The following RNF150 variants were observed in gnomAD, a reference collection of about 807,000 sequenced individuals.
RNF150 encodes the protein ring finger protein 150.
RNF150 carries 24 observed loss-of-function variants against 39.3 expected under a neutral mutation model. The observed-to-expected ratio is 0.61, with a 90% confidence interval of 0.44 to 0.86. The LOEUF is 0.86. Among genes scored for constraint, RNF150 ranks in the 40% least tolerant of loss-of-function variants. The pLI is 0.00. For missense variants in RNF150, 502 were observed against 587.8 expected, an observed-to-expected ratio of 0.85 and a Z score of 1.51; for synonymous variants, 255 against 227.3, an observed-to-expected ratio of 1.12 and a Z score of -1.10.
intron 1 of RNF150, among the ~76,000 whole-genome samples, chr4:141,036,010 G>A (rs1736128862): frequency 6.6e-6 from 1 of 152,106 alleles, no homozygotes; most frequent in South Asian, 2.1e-4. Context: ...AGTTTAGAAA[G>A]AAAGAAGGAT....
At chr4:140,905,910 A>G (rs1730354911) in intron 6 of RNF150, among the ~76,000 whole-genome samples, 1 of 152,068 alleles carries the variant, frequency 6.6e-6, no homozygotes, top group African/African-American at 2.4e-5. Flanking sequence ...GTCCTACCCA[A>G]AAGGGGTTCC....
rs1275582779 is a variant in RNF150, at chr4:140,967,878, G to T, written c.485-5C>A. On this transcript the variant is annotated splice_polypyrimidine_tract_variant and splice_region_variant and intron_variant, in intron 1 of 6. Coordinates refer to ENST00000515673, the MANE Select transcript of RNF150 (RefSeq NM_020724.2). ...TGGCCACGATGTCTTCTACACCTGT[G>T]GTAAGAGGGGAAGGAAGGGGCAATA... 1 of 1,611,990 alleles carries T rather than the reference G, an allele frequency of 6.2e-7. No individual in the cohort carries two copies. Among genetic ancestry groups the T allele is most frequent in the South Asian group, 1.1e-5 (1 of 90,998 alleles).
At chr4:140,881,122 T>C (rs1239386491) in intron 6 of RNF150, among the ~76,000 whole-genome samples, 1 of 152,112 alleles carries the variant, frequency 6.6e-6, no homozygotes, top group African/African-American at 2.4e-5. Flanking sequence ...TTGAGATCTT[T>C]CTTTTTTAAT....
intron 1 of RNF150, among the ~76,000 whole-genome samples, chr4:141,002,293 T>C (rs1348377299): frequency 6.6e-6 from 1 of 152,122 alleles, no homozygotes; most frequent in Non-Finnish European, 1.5e-5. Context: ...GTCTTTATTG[T>C]ACTTGATTAA....
At chr4:140,999,385 T>C (rs1216227571) in intron 1 of RNF150, among the ~76,000 whole-genome samples, 4 of 152,238 alleles carry the variant, frequency 2.6e-5, no homozygotes, top group Non-Finnish European at 5.9e-5. Flanking sequence ...AACAGCCATA[T>C]GTAGAAGCCT....
At chr4:140,941,920 T>A (rs1436515337) in intron 4 of RNF150, among the ~76,000 whole-genome samples, 1 of 152,212 alleles carries the variant, frequency 6.6e-6, no homozygotes, top group African/African-American at 2.4e-5. Context: ...TCTAAGTTCC[T>A]TCATTGACAT....
intron 4 of RNF150, among the ~76,000 whole-genome samples, chr4:140,931,392 T>C (rs1731630779): frequency 2.0e-5 from 3 of 152,206 alleles, no homozygotes; most frequent in Admixed American, 1.3e-4. Context: ...TGGTAGCATA[T>C]TGATCATCAA....
At chr4:140,957,317 C>G (rs35884139) in intron 2 of RNF150, among the ~76,000 whole-genome samples, 21,712 of 149,180 alleles carry the variant, frequency 0.15, 1,562 homozygotes, top group South Asian at 0.19. Context: ...CCATCACTGG[C>G]CATCAGAGAA....
upstream of RNF150, among the ~76,000 whole-genome samples, chr4:141,137,390 C>T (rs1299924616): frequency 6.6e-6 from 1 of 152,114 alleles, no homozygotes; most frequent in African/African-American, 2.4e-5. Flanking sequence ...AGGAAGGTGG[C>T]AATGAGCATG....
At chr4:141,037,189 A>C (rs912721231) in intron 1 of RNF150, among the ~76,000 whole-genome samples, 3 of 152,190 alleles carry the variant, frequency 2.0e-5, no homozygotes, top group African/African-American at 7.2e-5. Flanking sequence ...ATATTCACCT[A>C]AGGTTCTCGG....
rs529188341 is a variant in RNF150, at chr4:140,946,349, A to G, written c.890+1305T>C. ...TTTGGGATTATTAAGCCATTCCTCT[A>G]AAGTAATTTTTGTTTCTTTTGTAGT... On this transcript the variant is annotated intron_variant, in intron 4 of 6. Transcript: ENST00000515673. Among the ~76,000 whole-genome samples, 14 of 152,294 alleles carry G rather than the reference A, an allele frequency of 9.2e-5. No individual in the cohort carries two copies. The South Asian group carries it at 2.9e-3, about 32-fold the overall frequency.
At position 140,917,737 on chromosome 4, in the gene RNF150, AT is replaced by A. The variant is rs1207078103; in HGVS notation, c.988-6384del. ...TCCACCCCAAATCAACAGAATATACATTTTTTTTCAGCACCACACCACACCT... is the reference window on the plus strand; with the variant it reads ...TCCACCCCAAATCAACAGAATATACATTTTTTTCAGCACCACACCACACCT... On this transcript the variant is annotated intron_variant, in intron 5 of 6. Transcript: ENST00000515673. 2.4e-4 allele frequency among the ~76,000 whole-genome samples: 36 copies of A among 151,620 alleles called. No homozygotes were observed. In the East Asian group the frequency reaches 3.1e-3, roughly 13 times the overall value.
rs374509935 is a variant in RNF150, at chr4:140,999,985, A to AGCAG, written c.485-32113_485-32112insCTGC. 5.1e-5 allele frequency among the ~76,000 whole-genome samples: 2 copies of AGCAG among 38,952 alleles called. 1 individual carries two copies. Among genetic ancestry groups the AGCAG allele is most frequent in the Non-Finnish European group, 1.1e-4 (2 of 17,564 alleles). The allele number at this position is 38,952 out of a possible 152,430, so 25.6% of individuals were successfully genotyped here. ...GAAGAAGAAGAAGAAGAAAAGAAGA[A>AGCAG]AAGAAGAAAAGAAGAAGAAGAAGAA... On this transcript the variant is annotated intron_variant, in intron 1 of 6. Transcript: ENST00000515673.
chr4:141,030,653 T>C (rs1272153702), intron 1 of RNF150, among the ~76,000 whole-genome samples: 6 of 152,208 alleles, frequency 3.9e-5, no homozygotes, highest in East Asian at 3.8e-4. Context: ...TAACACATGA[T>C]TGTCAAGTGT....
chr4:141,134,604 C>G (rs918429237), upstream of RNF150, among the ~76,000 whole-genome samples: 1 of 152,188 alleles, frequency 6.6e-6, no homozygotes, highest in South Asian at 2.1e-4. Flanking sequence ...GGGCAAAGAG[C>G]CTCAGCTGTA....
chr4:140,955,817 T>G (rs183366390), intron 2 of RNF150, among the ~76,000 whole-genome samples: 102 of 152,372 alleles, frequency 6.7e-4, no homozygotes, highest in Middle Eastern at 6.8e-3. Context: ...GTGAAGTTCA[T>G]GTTTATTTTA....
chr4:141,112,645 C>G (rs1002972780), intron 1 of RNF150, among the ~76,000 whole-genome samples: 4 of 152,142 alleles, frequency 2.6e-5, no homozygotes, highest in African/African-American at 7.2e-5. Flanking sequence ...TTCTCTCTGG[C>G]TGCCCTTAAC....
chr4:141,012,321 A>G (rs956881110), intron 1 of RNF150, among the ~76,000 whole-genome samples: 2 of 152,220 alleles, frequency 1.3e-5, no homozygotes, highest in African/African-American at 4.8e-5. Flanking sequence ...CTGGCTGTGA[A>G]GTTGCAAGAA....
rs541940750 is a variant in RNF150 at position 141,104,213 on chromosome 4, A to C, written c.484+28112T>G. Among the ~76,000 whole-genome samples, 8 of 152,282 alleles carry C rather than the reference A, an allele frequency of 5.3e-5. No individual in the cohort carries two copies. The South Asian group carries it at 1.7e-3, about 32-fold the overall frequency. On this transcript the variant is annotated intron_variant, in intron 1 of 6. Coordinates refer to ENST00000515673, the MANE Select transcript of RNF150 (RefSeq NM_020724.2). ...CTGCTCTGAACACGAATGAAGAATGAAGATGACTCCAATGTATTAGAGCTC... is the reference window on the plus strand; with the variant it reads ...CTGCTCTGAACACGAATGAAGAATGCAGATGACTCCAATGTATTAGAGCTC...
Sources: gnomAD v4.1 joint callset for allele counts (sites outside exome capture counted in the v4.1 genomes callset) on GRCh38, gnomAD v4.1.1 for gene constraint, MANE v1.5 for transcripts, NCBI Gene and HGNC (gene_info 2026-07-23, HGNC 2026-07-21) for gene names.